DISC1: variants seen among roughly 807,000 people sequenced by gnomAD.
The protein encoded by DISC1 is DISC1 scaffold protein, also known as disrupted in schizophrenia 1 protein.
In DISC1, 57 loss-of-function variants were observed where a neutral mutation model predicts 84.5. The observed-to-expected ratio is 0.67, with a 90% confidence interval of 0.55 to 0.84. DISC1 has a LOEUF of 0.84. DISC1 is among the 40% of genes least tolerant of loss of function. DISC1 has a pLI of 0.00. For synonymous variants in DISC1, 411 were observed against 415.2 expected, an observed-to-expected ratio of 0.99 and a Z score of 0.12; for missense variants, 1,000 against 1,057.8, an observed-to-expected ratio of 0.95 and a Z score of 0.76.
intron 9 of DISC1, among the ~76,000 whole-genome samples, chr1:231,891,410 G>GT (rs2087206056): frequency 6.6e-6 from 1 of 152,200 alleles, no homozygotes; most frequent in South Asian, 2.1e-4. Flanking sequence ...TGAAAACATA[G>GT]TTAATTACTC....
At chr1:231,663,438 C>T (rs2061726459) in intron 1 of DISC1, among the ~76,000 whole-genome samples, 1 of 152,190 alleles carries the variant, frequency 6.6e-6, no homozygotes, top group African/African-American at 2.4e-5. Flanking sequence ...ATGTGGACAT[C>T]CTGGACATCT....
At chr1:231,682,696 C>G (rs1241848174) in intron 1 of DISC1, among the ~76,000 whole-genome samples, 1 of 152,186 alleles carries the variant, frequency 6.6e-6, no homozygotes, top group African/African-American at 2.4e-5. Flanking sequence ...AGATTTATCG[C>G]AAAGCTGCAA....
Position 232,026,639 on chromosome 1 carries a change from A to G in DISC1, c.2425+87A>G. ...AGGGTAGTTTTTCATGCCTCAGAAGATGGCAACAAATAGATGCTGCCGTTA... is the reference window on the plus strand; with the variant it reads ...AGGGTAGTTTTTCATGCCTCAGAAGGTGGCAACAAATAGATGCTGCCGTTA... On this transcript the variant is annotated intron_variant, in intron 12 of 12. Coordinates refer to ENST00000439617, the MANE Select transcript of DISC1 (RefSeq NM_018662.3). The G allele has an allele frequency of 3.5e-6, 3 of 865,286 alleles. No homozygotes were observed. In the South Asian group the frequency reaches 4.3e-5, roughly 12 times the overall value. The allele number at this position is 865,286 out of a possible 1,614,324, so 53.6% of individuals were successfully genotyped here.
chr1:231,643,350 G>C (rs1400996093), intron 1 of DISC1, among the ~76,000 whole-genome samples: 1 of 151,828 alleles, frequency 6.6e-6, no homozygotes, highest in Non-Finnish European at 1.5e-5. Context: ...GCAATAACTA[G>C]TAAAAAAAAA....
At chr1:231,879,898 C>G (rs908511769) in intron 9 of DISC1, among the ~76,000 whole-genome samples, 1 of 152,174 alleles carries the variant, frequency 6.6e-6, no homozygotes, top group African/African-American at 2.4e-5. Context: ...CAATTAGATA[C>G]AGAGGTCTGG....
Position 231,883,070 on chromosome 1 carries a change from T to C in DISC1, c.1981+64553T>C, listed in dbSNP as rs137992580. ...CCTTAGCACAGAGCGACAGATGCCA[T>C]GAGACAGGCGCCCACTGCTGATGTG... On this transcript the variant is annotated intron_variant, in intron 9 of 12. Coordinates refer to ENST00000439617, the MANE Select transcript of DISC1 (RefSeq NM_018662.3). 4.1e-3 allele frequency among the ~76,000 whole-genome samples: 627 copies of C among 152,082 alleles called. 5 individuals carry two copies. Among genetic ancestry groups the C allele is most frequent in the Middle Eastern group, 0.014 (4 of 294 alleles).
intron 1 of DISC1, among the ~76,000 whole-genome samples, chr1:231,676,137 G>GC (rs1237669165): frequency 3.3e-5 from 5 of 152,120 alleles, no homozygotes; most frequent in Non-Finnish European, 5.9e-5. Flanking sequence ...ATGGGCCACC[G>GC]CCCCCATCGT....
At position 231,818,449 on chromosome 1, in the gene DISC1, A is replaced by C; in HGVS notation, c.1913A>C (p.Lys638Thr). ...GTGTTGAGTTCCAGGAATGTCAAAA[A>C]GCTGGGAAGTGTTAAAGAAGATTAC... Reference protein sequence around the residue: ...LLVLSSRNVKKLGSVKEDYNR... With the variant: ...LLVLSSRNVKTLGSVKEDYNR... Residue 638 changes from lysine to threonine, a missense_variant, in exon 9 of 13, where the codon AAG becomes ACG. Around this residue, in one of 3 missense-constraint regions of DISC1, gnomAD observed 397 missense variants for 377.5 expected, o/e 1.05. Transcript: ENST00000439617. The C allele has an allele frequency of 6.2e-7, 1 of 1,614,212 alleles. No homozygotes were observed. The highest frequency in any genetic ancestry group is 2.2e-5 in the East Asian group (1 of 44,884).
intron 2 of DISC1, among the ~76,000 whole-genome samples, chr1:231,695,671 T>TGC (rs1384377675): frequency 1.4e-4 from 22 of 152,046 alleles, no homozygotes. Context: ...TGTGTGTGTG[T>TGC]GCATGCATGT....
At chr1:231,754,106 T>G (rs2074894364) in intron 4 of DISC1, among the ~76,000 whole-genome samples, 1 of 152,200 alleles carries the variant, frequency 6.6e-6, no homozygotes, top group African/African-American at 2.4e-5. Context: ...TCTTCGTGTC[T>G]TCTTCTGAGC....
intron 1 of DISC1, among the ~76,000 whole-genome samples, chr1:231,667,081 G>T (rs1291379303): frequency 6.6e-6 from 1 of 152,146 alleles, no homozygotes; most frequent in African/African-American, 2.4e-5. Context: ...CTTCAGACAG[G>T]AGCCTGTATT....
chr1:231,991,666 A>T (rs535976504), intron 10 of DISC1, among the ~76,000 whole-genome samples: 1 of 152,328 alleles, frequency 6.6e-6, no homozygotes, highest in South Asian at 2.1e-4. Context: ...TTACAAAAGG[A>T]AAAATAAGTG....
intron 9 of DISC1, among the ~76,000 whole-genome samples, chr1:231,958,332 A>T (rs1181864464): frequency 2.0e-5 from 3 of 152,204 alleles, no homozygotes; most frequent in Non-Finnish European, 2.9e-5. Flanking sequence ...GATGTTGAGC[A>T]GTTGATTTCT....
At position 231,787,337 on chromosome 1, in the gene DISC1, C is replaced by A. The variant is rs116468752; in HGVS notation, c.1635-7905C>A. 4.8e-3 allele frequency among the ~76,000 whole-genome samples: 725 copies of A among 152,048 alleles called. 7 individuals are homozygous for A. The highest frequency in any genetic ancestry group is 0.017 in the African/African-American group (686 of 41,466). On this transcript the variant is annotated intron_variant, in intron 6 of 12. Transcript: ENST00000439617. ...TGAGGGGCTTGCATCTGGCAAGGAC[C>A]TTCTTACTGCATCATCCCATGGCAG...
chr1:231,726,351 G>T (rs1311178383), intron 3 of DISC1, among the ~76,000 whole-genome samples: 1 of 152,188 alleles, frequency 6.6e-6, no homozygotes, highest in Non-Finnish European at 1.5e-5. Flanking sequence ...GTGATGAGCT[G>T]CAGGCACCTT....
At chr1:231,985,872 G>A (rs1311334546) in intron 10 of DISC1, among the ~76,000 whole-genome samples, 1 of 152,178 alleles carries the variant, frequency 6.6e-6, no homozygotes, top group East Asian at 1.9e-4. Context: ...TTTGGTTTCA[G>A]TGTAGAATAG....
chr1:231,819,535 C>T (rs891664671), intron 9 of DISC1, among the ~76,000 whole-genome samples: 1 of 152,158 alleles, frequency 6.6e-6, no homozygotes, highest in Non-Finnish European at 1.5e-5. Context: ...AATGAATACC[C>T]TTAAGTTGGC....
At chr1:231,995,394 G>T (rs1316221984) in intron 10 of DISC1, among the ~76,000 whole-genome samples, 7 of 151,486 alleles carry the variant, frequency 4.6e-5, no homozygotes, top group Admixed American at 4.6e-4. Context: ...CAATGTGCAG[G>T]TTAGTTACAT....
chr1:231,991,247 G>A (rs553552825), intron 10 of DISC1, among the ~76,000 whole-genome samples: 15 of 152,294 alleles, frequency 9.8e-5, no homozygotes, highest in African/African-American at 2.2e-4. Flanking sequence ...ATTTATTAGC[G>A]AGCCCTCTTC....
Sources: allele counts gnomAD v4.1 joint callset (sites outside exome capture counted in the v4.1 genomes callset), GRCh38; gene constraint gnomAD v4.1.1; regional missense constraint gnomAD v4.1.1; transcripts MANE v1.5; gene names NCBI Gene and HGNC (gene_info 2026-07-23, HGNC 2026-07-21).